The following CCNC variants were observed in gnomAD, a reference collection of about 807,000 sequenced individuals.
The protein encoded by CCNC is cyclin-C.
Under a neutral mutation model 50.0 loss-of-function variants are expected in CCNC, and 19 were observed. The ratio of observed to expected loss-of-function variants is 0.38; its 90% CI spans 0.27 to 0.56. The LOEUF is 0.56. CCNC is among the 20% of genes least tolerant of loss of function. The pLI, the probability that CCNC is intolerant of heterozygous loss-of-function variation, is 0.72. For synonymous variants in CCNC, 93 were observed against 103.7 expected, an observed-to-expected ratio of 0.90 and a Z score of 0.63; for missense variants, 200 against 327.1, an observed-to-expected ratio of 0.61 and a Z score of 3.00.
chr6:99,550,426 A>G lies in CCNC; in HGVS notation c.439-117T>C, dbSNP rs1583573187. 5.8e-6 allele frequency: 4 copies of G among 691,664 alleles called. No individual in the cohort carries two copies. In the East Asian group the frequency reaches 1.1e-4, roughly 19 times the overall value. 42.8% of individuals were successfully genotyped at this position (691,664 alleles called of 1,614,324 possible). ...ATTTCAAAGTGAATTTCACTAACTCATGCTTGCTTCCCTTTTATTCTCTTA... is the reference window on the plus strand; with the variant it reads ...ATTTCAAAGTGAATTTCACTAACTCGTGCTTGCTTCCCTTTTATTCTCTTA... On this transcript the variant is annotated intron_variant, in intron 7 of 11. Coordinates refer to ENST00000520429, the MANE Select transcript of CCNC (RefSeq NM_005190.4).
At chr6:99,559,279 AT>A (rs780357383) in intron 4 of CCNC, among the ~76,000 whole-genome samples, 67 of 152,160 alleles carry the variant, frequency 4.4e-4, no homozygotes, top group South Asian at 2.7e-3. Flanking sequence ...GTCAGTTCCC[AT>A]TTCCTCTTTC....
chr6:99,544,070 A>C, intron 11 of CCNC: 1 of 1,325,114 alleles, frequency 7.5e-7, no homozygotes, highest in Non-Finnish European at 9.7e-7. Context: ...TCATATATAA[A>C]TACAGCAAAC....
chr6:99,549,320 G>C (rs1562488520), intron 9 of CCNC, 188 bp downstream of exon 9: 1 of 654,174 alleles, frequency 1.5e-6, no homozygotes, highest in Non-Finnish European at 2.7e-6. Flanking sequence ...ACCAAAAAGG[G>C]GGTGGGGGAA....
At chr6:99,555,738 G>A (rs1019447399) in intron 5 of CCNC, among the ~76,000 whole-genome samples, 9 of 152,024 alleles carry the variant, frequency 5.9e-5, no homozygotes, top group African/African-American at 1.9e-4. Flanking sequence ...CACCATACCT[G>A]GCCTGTGCAA....
At chr6:99,544,587 C>T (rs1054624606) in intron 11 of CCNC, among the ~76,000 whole-genome samples, 1 of 152,030 alleles carries the variant, frequency 6.6e-6, no homozygotes, top group Non-Finnish European at 1.5e-5. Flanking sequence ...ACCCTCTTAG[C>T]ACAGGTGATT....
intron 10 of CCNC, 102 bp downstream of exon 10, chr6:99,546,293 A>G: frequency 1.3e-6 from 1 of 769,268 alleles, no homozygotes; most frequent in Non-Finnish European, 2.3e-6. Context: ...TGTAACCAAT[A>G]ATCTTCTTAG....
chr6:99,554,784 C>T (rs1802447179), intron 5 of CCNC, among the ~76,000 whole-genome samples: 1 of 152,110 alleles, frequency 6.6e-6, no homozygotes, highest in African/African-American at 2.4e-5. Flanking sequence ...AGCCCTGGTA[C>T]CTTTTATTGG....
intron 5 of CCNC, among the ~76,000 whole-genome samples, chr6:99,552,866 A>ACC (rs1316941146): frequency 6.6e-6 from 1 of 152,070 alleles, no homozygotes; most frequent in Non-Finnish European, 1.5e-5. Flanking sequence ...ACATGGTGAA[A>ACC]CCCCATCTCT....
chr6:99,559,084 A>G (rs1802664562), intron 4 of CCNC, among the ~76,000 whole-genome samples: 1 of 151,990 alleles, frequency 6.6e-6, no homozygotes, highest in African/African-American at 2.4e-5. Flanking sequence ...AATATTAAGT[A>G]TGTTTCCTAT....
intron 11 of CCNC, chr6:99,544,392 A>G (rs1301601632): frequency 2.5e-6 from 2 of 787,878 alleles, no homozygotes; most frequent in Non-Finnish European, 3.9e-6. Context: ...CCATAAATCT[A>G]TCTTGTTATA....
At chr6:99,562,980 G>A (rs1308627086) in intron 1 of CCNC, 32 bp from the exon 2 acceptor site, 1 of 1,375,566 alleles carries the variant, frequency 7.3e-7, no homozygotes, top group East Asian at 2.3e-5. Context: ...AAATCAACAA[G>A]CAAGGTCAGA....
At chr6:99,556,961 G>A (rs1802540898) in intron 5 of CCNC, among the ~76,000 whole-genome samples, 1 of 152,178 alleles carries the variant, frequency 6.6e-6, no homozygotes, top group Admixed American at 6.5e-5. Flanking sequence ...ACAAAGTGCA[G>A]ATTCCTTCAT....
At chr6:99,564,908 T>A (rs527551529) in intron 1 of CCNC, among the ~76,000 whole-genome samples, 35 of 152,284 alleles carry the variant, frequency 2.3e-4, no homozygotes, top group Admixed American at 7.2e-4. Context: ...ATGATCCATC[T>A]GGAATTTATT....
At chr6:99,549,362 A>G (rs956880375) in intron 9 of CCNC, 146 bp downstream of exon 9, 2 of 701,358 alleles carry the variant, frequency 2.9e-6, no homozygotes, top group African/African-American at 1.8e-5. Flanking sequence ...GTTGCAGTTC[A>G]TATTATTGAA....
At chr6:99,563,140 T>G (rs1562494805) in intron 1 of CCNC, among the ~76,000 whole-genome samples, 192 bp from the exon 2 acceptor site, 1 of 152,174 alleles carries the variant, frequency 6.6e-6, no homozygotes, top group Non-Finnish European at 1.5e-5. Context: ...CTGAAAAAAT[T>G]CTGCTCTAAT....
intron 1 of CCNC, 139 bp downstream of exon 1, chr6:99,568,357 G>T: frequency 2.5e-6 from 2 of 802,330 alleles, no homozygotes; most frequent in Non-Finnish European, 4.0e-6. Context: ...AGCGCATCTT[G>T]ATTCTGACCG....
intron 8 of CCNC, 67 bp downstream of exon 8, chr6:99,550,151 C>A: frequency 1.8e-6 from 2 of 1,102,118 alleles, no homozygotes; most frequent in South Asian, 1.4e-5. Flanking sequence ...TACTTAACTT[C>A]ATATTTAATT....
At chr6:99,546,124 C>A (rs1315996439) in intron 10 of CCNC, among the ~76,000 whole-genome samples, 1 of 152,064 alleles carries the variant, frequency 6.6e-6, no homozygotes, top group African/African-American at 2.4e-5. Context: ...TGCCACCACA[C>A]CCAGCTAATT....
At chr6:99,553,388 A>T (rs982642545) in intron 5 of CCNC, among the ~76,000 whole-genome samples, 1 of 152,104 alleles carries the variant, frequency 6.6e-6, no homozygotes, top group African/African-American at 2.4e-5. Flanking sequence ...TTGACACCTA[A>T]CACCTCTATT....
Sources: allele counts gnomAD v4.1 joint callset (sites outside exome capture counted in the v4.1 genomes callset), GRCh38; gene constraint gnomAD v4.1.1; transcripts MANE v1.5; gene names NCBI Gene and HGNC (gene_info 2026-07-23, HGNC 2026-07-21).